Variants in CDYL observed in about 807,000 individuals in gnomAD.
CDYL encodes the protein chromodomain Y-like protein.
Under a neutral mutation model 47.3 loss-of-function variants are expected in CDYL, and 8 were observed. The observed-to-expected ratio is 0.17, with a 90% CI of 0.10 to 0.31. The LOEUF is 0.31. Ranked by LOEUF, CDYL falls within the 10% of genes least tolerant of loss-of-function variation. The pLI is 1.00. For missense variants in CDYL, 471 were observed against 701.4 expected (o/e 0.67, Z 3.71); for synonymous variants, 266 against 265.0 (o/e 1.00, Z -0.04).
rs1323192481 is a variant in CDYL, at chr6:4,954,692, C to A, written c.*636C>A. 3 of 152,416 alleles carry A rather than the reference C, an allele frequency of 2.0e-5. No individual in the cohort carries two copies. The highest frequency in any genetic ancestry group is 4.4e-5 in the Non-Finnish European group (3 of 68,040). 9.4% of individuals were successfully genotyped at this position (152,416 alleles called of 1,614,324 possible). ...CATGCTGAGATATCAATTGGTTTCC[C>A]CTTCTTTTTAAAATACGTCCAGTTC... On this transcript the variant is annotated 3_prime_UTR_variant, in exon 7 of 7. Coordinates refer to ENST00000397588, the MANE Select transcript of CDYL (RefSeq NM_004824.4).
intron 1 of CDYL, among the ~76,000 whole-genome samples, chr6:4,882,964 A>G (rs888211906): frequency 5.9e-5 from 9 of 152,086 alleles, no homozygotes; most frequent in African/African-American, 1.9e-4. Flanking sequence ...TGGCCCTTCC[A>G]TTAAAGCCAC....
chr6:4,707,408 G>A (rs1757066823), intron 1 of CDYL, among the ~76,000 whole-genome samples: 1 of 152,174 alleles, frequency 6.6e-6, no homozygotes, highest in Non-Finnish European at 1.5e-5. Context: ...CTCCTGAGTA[G>A]CTGGGACTAC....
intron 2 of CDYL, among the ~76,000 whole-genome samples, chr6:4,922,460 A>C (rs1230245545): frequency 2.6e-5 from 4 of 152,224 alleles, no homozygotes; most frequent in African/African-American, 9.6e-5. Flanking sequence ...AAAAAGTATA[A>C]ATACAAGCAG....
intron 2 of CDYL, among the ~76,000 whole-genome samples, chr6:4,927,599 A>G (rs1757917215): frequency 6.6e-6 from 1 of 152,160 alleles, no homozygotes; most frequent in Non-Finnish European, 1.5e-5. Context: ...CATTTTTAGT[A>G]GAAACAGGGT....
intron 1 of CDYL, among the ~76,000 whole-genome samples, chr6:4,809,190 T>A (rs998078486): frequency 7.9e-5 from 12 of 152,250 alleles, no homozygotes; most frequent in Non-Finnish European, 1.5e-4. Flanking sequence ...GCAGGTAGTA[T>A]GGTATAAGAT....
At chr6:4,795,387 A>C (rs1479429264) in intron 1 of CDYL, among the ~76,000 whole-genome samples, 2 of 152,176 alleles carry the variant, frequency 1.3e-5, no homozygotes, top group East Asian at 3.8e-4. Flanking sequence ...TAGTCACATG[A>C]AAGAGAAAGA....
At chr6:4,878,369 G>A (rs574503658) in intron 1 of CDYL, among the ~76,000 whole-genome samples, 28 of 151,990 alleles carry the variant, frequency 1.8e-4, no homozygotes, top group African/African-American at 6.3e-4. Context: ...TGATGTGTGT[G>A]TGTGTAGAGG....
At position 4,952,396 on chromosome 6, in the gene CDYL, C is replaced by T. The variant is rs370584550; in HGVS notation, c.1463C>T (p.Ser488Leu). Residue 488 changes from serine (S) to leucine (L), a missense_variant, in exon 6 of 7, where the codon TCG becomes TTG. Ser to Leu is a moderately radical substitution (Grantham distance 145). This residue lies in a region of CDYL where 57 missense variants were observed against 74.3 expected (regional missense o/e 0.77). Coordinates refer to ENST00000397588, the MANE Select transcript of CDYL (RefSeq NM_004824.4). Reference protein sequence around the residue: ...EVMVRIKELASCNPVVLEESK... With the variant: ...EVMVRIKELALCNPVVLEESK... ...ATGGTTCGCATTAAGGAGCTTGCCT[C>T]GTGCAATCCAGTTGTATGTCTAATT... The T allele has an allele frequency of 1.7e-5, 27 of 1,613,418 alleles. No individual in the cohort carries two copies. Among genetic ancestry groups the T allele is most frequent in the Middle Eastern group, 1.6e-4 (1 of 6,074 alleles).
intron 1 of CDYL, among the ~76,000 whole-genome samples, chr6:4,800,248 T>C (rs1759185662): frequency 1.3e-5 from 2 of 152,180 alleles, no homozygotes; most frequent in Non-Finnish European, 2.9e-5. Flanking sequence ...GCTGATTTTG[T>C]GTTAACCAAA....
Position 4,823,387 on chromosome 6 carries a change from A to T in CDYL, c.24+46580A>T, listed in dbSNP as rs536432648. 2.0e-5 allele frequency among the ~76,000 whole-genome samples: 3 copies of T among 152,358 alleles called. No homozygotes were observed. In the South Asian group the frequency reaches 6.2e-4, roughly 32 times the overall value. ...GTCTGTCACTGGTAAGAGTGCATGG[A>T]TACACATGGAAAGTCAGTGTTCAGA... On this transcript the variant is annotated intron_variant, in intron 1 of 6. Transcript: ENST00000397588.
chr6:4,792,543 G>C lies in CDYL; in HGVS notation c.24+15736G>C, dbSNP rs758041004. Reference sequence around the variant, plus strand: ...ACCTCCCTGTTAAAGTGATTCTTCTGCCTCAGCCTCCTGAGTAAAGTAGCT... The same window carrying C: ...ACCTCCCTGTTAAAGTGATTCTTCTCCCTCAGCCTCCTGAGTAAAGTAGCT... On this transcript the variant is annotated intron_variant, in intron 1 of 6. Transcript: ENST00000397588. Among the ~76,000 whole-genome samples the C allele has an allele frequency of 2.3e-4, 35 of 151,044 alleles. 1 individual carries two copies. The highest frequency in any genetic ancestry group is 3.7e-4 in the Non-Finnish European group (25 of 67,904).
At chr6:4,913,322 G>A (rs934644800) in intron 2 of CDYL, among the ~76,000 whole-genome samples, 2 of 152,004 alleles carry the variant, frequency 1.3e-5, no homozygotes, top group Non-Finnish European at 2.9e-5. Flanking sequence ...GCATTACATC[G>A]GTAATTTGCT....
At chr6:4,742,364 C>CAA (rs60712483) in intron 3 of CDYL, among the ~76,000 whole-genome samples, 8 of 52,608 alleles carry the variant, frequency 1.5e-4, no homozygotes, top group African/African-American at 4.4e-4. Flanking sequence ...GATCCTGTCT[C>CAA]AAAAAAAAAA....
Position 4,929,764 on chromosome 6 carries a change from G to C in CDYL, c.692-5751G>C, listed in dbSNP as rs539223537. ...TTTTCTTTAAATGCTTGAGCACATT[G>C]AGATTATAACAGTTTTGAAGATGTT... On this transcript the variant is annotated intron_variant, in intron 2 of 6. Transcript: ENST00000397588. Among the ~76,000 whole-genome samples, 6 of 152,210 alleles carry C rather than the reference G, an allele frequency of 3.9e-5. No homozygotes were observed. In the South Asian group the frequency reaches 8.3e-4, roughly 21 times the overall value.
intron 1 of CDYL, among the ~76,000 whole-genome samples, chr6:4,871,437 G>T (rs1411806394): frequency 6.6e-6 from 1 of 152,156 alleles, no homozygotes; most frequent in Non-Finnish European, 1.5e-5. Context: ...TGTTCAACCC[G>T]TACTATATCC....
intron 2 of CDYL, among the ~76,000 whole-genome samples, chr6:4,727,118 T>G (rs1757527682): frequency 6.6e-6 from 1 of 152,044 alleles, no homozygotes; most frequent in African/African-American, 2.4e-5. Flanking sequence ...AACCAGAAAC[T>G]CCAAATGTAT....
chr6:4,722,039 G>C (rs2875957), intron 2 of CDYL, among the ~76,000 whole-genome samples: 28,983 of 152,024 alleles, frequency 0.19, 3,027 homozygotes, highest in Admixed American at 0.27. Context: ...ATTTTTAGTA[G>C]AGACGGGATT....
chr6:4,830,775 C>A (rs1036079913), intron 1 of CDYL, among the ~76,000 whole-genome samples: 1 of 130,558 alleles, frequency 7.7e-6, no homozygotes, highest in Non-Finnish European at 1.6e-5. Context: ...CACAACAGGC[C>A]CCAGAGTGTG....
intron 1 of CDYL, 50 bp from the exon 2 acceptor site, chr6:4,891,663 C>A (rs759655988): frequency 2.1e-6 from 3 of 1,451,148 alleles, no homozygotes; most frequent in Admixed American, 2.4e-5. Context: ...TTGCACTTTT[C>A]CCCCCAAATT....
Sources: gnomAD v4.1 joint callset for allele counts (sites outside exome capture counted in the v4.1 genomes callset) on GRCh38, gnomAD v4.1.1 for gene constraint, gnomAD v4.1.1 regional missense constraint, MANE v1.5 for transcripts, NCBI Gene and HGNC (gene_info 2026-07-23, HGNC 2026-07-21) for gene names.